PPM1L: variants seen among roughly 807,000 people sequenced by gnomAD.
PPM1L encodes the protein protein phosphatase, Mg2+/Mn2+ dependent 1L, also known as protein phosphatase 1L.
PPM1L carries 13 observed loss-of-function variants against 31.4 expected under a neutral mutation model. That is an observed-to-expected ratio of 0.41 (90% CI 0.27 to 0.66). PPM1L has a LOEUF of 0.66. PPM1L is among the 30% of genes least tolerant of loss of function. The probability of loss-of-function intolerance (pLI) is 0.29; values close to 1 mark genes in which losing one functional copy is unlikely to be tolerated. For synonymous variants in PPM1L, 184 were observed against 175.4 expected, an observed-to-expected ratio of 1.05 and a Z score of -0.39; for missense variants, 326 against 453.7, an observed-to-expected ratio of 0.72 and a Z score of 2.56.
chr3:161,019,995 G>T (rs565837970), intron 2 of PPM1L, among the ~76,000 whole-genome samples: 1 of 151,886 alleles, frequency 6.6e-6, no homozygotes, highest in Non-Finnish European at 1.5e-5. Context: ...GTGTGGTGGC[G>T]TGTGCCTGTA....
At chr3:160,908,570 C>A (rs1001898296) in intron 1 of PPM1L, among the ~76,000 whole-genome samples, 1 of 151,982 alleles carries the variant, frequency 6.6e-6, no homozygotes, top group African/African-American at 2.4e-5. Flanking sequence ...GATACTATAA[C>A]ATAGAAGCAA....
At chr3:160,984,966 C>G (rs1716917830) in intron 2 of PPM1L, among the ~76,000 whole-genome samples, 1 of 152,084 alleles carries the variant, frequency 6.6e-6, no homozygotes, top group African/African-American at 2.4e-5. Context: ...GCTAAGTAAG[C>G]ATTCTATAAT....
chr3:160,995,630 A>G (rs1014366528), intron 2 of PPM1L, among the ~76,000 whole-genome samples: 1 of 152,022 alleles, frequency 6.6e-6, no homozygotes, highest in African/African-American at 2.4e-5. Flanking sequence ...CCAGGTAGAG[A>G]CTTTTTTTAA....
chr3:160,858,237 T>G (rs1309767288), intron 1 of PPM1L, among the ~76,000 whole-genome samples: 2 of 152,292 alleles, frequency 1.3e-5, no homozygotes, highest in Non-Finnish European at 2.9e-5. Context: ...TTATTTAAAA[T>G]TTCTCTTTTC....
In PPM1L at chr3:160,759,513, T is replaced by A. The variant is rs187179740; in HGVS notation, c.399+2806T>A. On this transcript the variant is annotated intron_variant, in intron 1 of 3. Transcript: ENST00000498165. The stretch of plus-strand genomic sequence containing the variant: ...TAGTTCAAGGCCTTCAGTTTGTTGA[T>A]CTCTATATGAAACCACTGGACAAAT... 2.0e-5 allele frequency among the ~76,000 whole-genome samples: 3 copies of A among 152,256 alleles called. No individual in the cohort carries two copies. In the Middle Eastern group the frequency reaches 0.01, roughly 518 times the overall value.
intron 1 of PPM1L, among the ~76,000 whole-genome samples, chr3:160,909,115 G>T (rs1422298204): frequency 6.6e-6 from 1 of 152,160 alleles, no homozygotes; most frequent in African/African-American, 2.4e-5. Flanking sequence ...TTTCTACATA[G>T]ACCTTAGAAA....
chr3:160,832,651 C>A (rs75752343), intron 1 of PPM1L, among the ~76,000 whole-genome samples: 1 of 152,014 alleles, frequency 6.6e-6, no homozygotes, highest in Non-Finnish European at 1.5e-5. Flanking sequence ...CCAGTGATAA[C>A]GTTCTGAATA....
chr3:160,788,101 C>CT (rs1047763396), intron 1 of PPM1L, among the ~76,000 whole-genome samples: 18 of 151,676 alleles, frequency 1.2e-4, no homozygotes, highest in East Asian at 3.9e-4. Context: ...ATTGTGGGCT[C>CT]TTTTTTTTGG....
intron 1 of PPM1L, among the ~76,000 whole-genome samples, chr3:160,857,573 T>C (rs573972339): frequency 6.6e-6 from 1 of 152,322 alleles, no homozygotes; most frequent in East Asian, 1.9e-4. Flanking sequence ...CTTTTTTGTG[T>C]GGGCTCCATT....
At chr3:161,057,635 G>T (rs1427032670) in intron 2 of PPM1L, among the ~76,000 whole-genome samples, 1 of 152,058 alleles carries the variant, frequency 6.6e-6, no homozygotes, top group African/African-American at 2.4e-5. Flanking sequence ...TAAAAATCAG[G>T]AGAGTTCATA....
chr3:160,781,168 G>A (rs1323377176), intron 1 of PPM1L, among the ~76,000 whole-genome samples: 1 of 152,140 alleles, frequency 6.6e-6, no homozygotes. Context: ...ATGTTCTACT[G>A]TGGTCACTAT....
intron 1 of PPM1L, among the ~76,000 whole-genome samples, chr3:160,802,000 G>A (rs1240326653): frequency 3.3e-5 from 5 of 152,148 alleles, no homozygotes; most frequent in Non-Finnish European, 7.4e-5. Context: ...CCACACCCAA[G>A]CCCTTAGCTT....
intron 2 of PPM1L, among the ~76,000 whole-genome samples, chr3:160,980,750 G>T (rs1716769729): frequency 7.0e-6 from 1 of 143,576 alleles, no homozygotes; most frequent in African/African-American, 2.5e-5. Flanking sequence ...GAGAAAGAAA[G>T]AAAGAGAAGG....
intron 1 of PPM1L, among the ~76,000 whole-genome samples, chr3:160,856,268 C>T (rs1576673031): frequency 6.6e-6 from 1 of 152,024 alleles, no homozygotes; most frequent in African/African-American, 2.4e-5. Context: ...TACTTTATAT[C>T]CTTCAGTCCA....
chr3:160,791,934 A>G (rs1163874871), intron 1 of PPM1L, among the ~76,000 whole-genome samples: 1 of 152,142 alleles, frequency 6.6e-6, no homozygotes, highest in Non-Finnish European at 1.5e-5. Flanking sequence ...TTAGCCAACA[A>G]CCAGATCTTG....
At chr3:160,864,881 A>G (rs373533665) in intron 1 of PPM1L, among the ~76,000 whole-genome samples, 3 of 152,316 alleles carry the variant, frequency 2.0e-5, no homozygotes, top group African/African-American at 4.8e-5. Flanking sequence ...TAGGAAGTTT[A>G]TATCCTATAA....
intron 1 of PPM1L, among the ~76,000 whole-genome samples, chr3:160,878,517 T>G (rs1050460596): frequency 1.3e-5 from 2 of 152,184 alleles, no homozygotes; most frequent in African/African-American, 4.8e-5. Context: ...TGGTGTCTTC[T>G]TATAAGGGCA....
At chr3:161,019,777 T>A (rs1718189018) in intron 2 of PPM1L, among the ~76,000 whole-genome samples, 1 of 152,142 alleles carries the variant, frequency 6.6e-6, no homozygotes, top group Admixed American at 6.6e-5. Flanking sequence ...AACAAGATGA[T>A]ATGTCATATA....
At chr3:160,760,573 TTAAAA>T (rs1216611893) in intron 1 of PPM1L, among the ~76,000 whole-genome samples, 2 of 152,130 alleles carry the variant, frequency 1.3e-5, no homozygotes, top group African/African-American at 4.8e-5. Context: ...TATAACAAGA[TTAAAA>T]CAACAAAAAG....
Sources: gnomAD v4.1 joint callset for allele counts (sites outside exome capture counted in the v4.1 genomes callset) on GRCh38, gnomAD v4.1.1 for gene constraint, MANE v1.5 for transcripts, NCBI Gene and HGNC (gene_info 2026-07-23, HGNC 2026-07-21) for gene names.